Variants in KLHL13 observed in about 807,000 individuals in gnomAD.
KLHL13 encodes kelch like family member 13.
A neutral mutation model predicts 37.1 loss-of-function variants in KLHL13; 10 were observed. The ratio of observed to expected loss-of-function variants is 0.27; its 90% CI spans 0.17 to 0.46. The LOEUF (loss-of-function observed/expected upper bound fraction) is 0.46, where lower values mean the gene tolerates loss of function less well. Ranked by LOEUF, KLHL13 falls within the 20% of genes least tolerant of loss-of-function variation. KLHL13 has a pLI of 1.00. For missense variants in KLHL13, 360 were observed against 509.3 expected (o/e 0.71, Z 2.82); for synonymous variants, 163 against 181.2 (o/e 0.90, Z 0.81).
At chrX:117,999,215 A>T (rs1472224911) in intron 1 of KLHL13, among the ~76,000 whole-genome samples, 2 of 111,893 alleles carry the variant, frequency 1.8e-5, no homozygotes, top group Non-Finnish European at 3.8e-5. Context: ...AGGATTATAA[A>T]TCATGCTGCT....
intron 1 of KLHL13, among the ~76,000 whole-genome samples, chrX:118,092,233 AGAAAATTGACTCT>A (rs1196999392): frequency 1.8e-5 from 2 of 112,102 alleles, no homozygotes; most frequent in Non-Finnish European, 3.8e-5. Flanking sequence ...AAATAAAATA[AGAAAATTGACTCT>A]AAACCACATC....
upstream of KLHL13, among the ~76,000 whole-genome samples, chrX:117,977,362 AT>A (rs749721084): frequency 1.8e-4 from 20 of 111,431 alleles, no homozygotes; most frequent in Non-Finnish European, 2.3e-4. Context: ...CAATACTCTG[AT>A]TTTTTTTCTC....
intron 1 of KLHL13, among the ~76,000 whole-genome samples, chrX:118,064,997 C>T (rs2054780486): frequency 9.0e-6 from 1 of 111,478 alleles, no homozygotes; most frequent in African/African-American, 3.3e-5. Flanking sequence ...ATTTGTAATG[C>T]ATGTCTAATA....
At chrX:117,930,726 T>C (rs1286401451) in intron 2 of KLHL13, among the ~76,000 whole-genome samples, 1 of 111,497 alleles carries the variant, frequency 9.0e-6, no homozygotes, top group East Asian at 2.8e-4. Flanking sequence ...GAATAACTTA[T>C]TGTACCCCAA....
At chrX:118,020,052 G>A (rs2054183686) in intron 1 of KLHL13, among the ~76,000 whole-genome samples, 1 of 110,565 alleles carries the variant, frequency 9.0e-6, no homozygotes, top group Non-Finnish European at 1.9e-5. Context: ...AGCTTGATGG[G>A]GATGGCACTG....
intron 1 of KLHL13, among the ~76,000 whole-genome samples, chrX:118,101,407 A>G (rs1470991490): frequency 8.9e-6 from 1 of 111,756 alleles, no homozygotes; most frequent in Non-Finnish European, 1.9e-5. Flanking sequence ...CCCTGTCCTC[A>G]AGGAATTCAT....
At chrX:118,053,705 C>A (rs1428149940) in intron 1 of KLHL13, among the ~76,000 whole-genome samples, 1 of 107,012 alleles carries the variant, frequency 9.3e-6, no homozygotes, top group Non-Finnish European at 1.9e-5. Flanking sequence ...TTTCAACAGG[C>A]CTTTCACAGA....
At chrX:117,973,930 A>C, upstream of KLHL13, 1 of 117,909 alleles carries the variant, frequency 8.5e-6, no homozygotes, top group Non-Finnish European at 1.7e-5. Context: ...CCAAAGCTCA[A>C]CAGCGGGTCC....
intron 1 of KLHL13, chrX:117,985,279 A>G: frequency 8.7e-7 from 1 of 1,144,740 alleles, no homozygotes; most frequent in Non-Finnish European, 1.2e-6. Context: ...AACTCTCATC[A>G]TTTGTCATGT....
chrX:118,100,248 A>G (rs1158492312), intron 1 of KLHL13, among the ~76,000 whole-genome samples: 2 of 111,961 alleles, frequency 1.8e-5, no homozygotes, highest in African/African-American at 6.5e-5. Context: ...TAATTTATGC[A>G]GTCTCCGAAT....
At chrX:117,958,059 A>G (rs755434150) in intron 1 of KLHL13, among the ~76,000 whole-genome samples, 23 of 111,603 alleles carry the variant, frequency 2.1e-4, no homozygotes, top group African/African-American at 7.5e-4. Flanking sequence ...TCTCAGCAAC[A>G]ATGAACAGAA....
chrX:117,926,278 A>C (rs903573667), intron 2 of KLHL13, among the ~76,000 whole-genome samples: 1 of 111,619 alleles, frequency 9.0e-6, no homozygotes, highest in South Asian at 3.8e-4. Context: ...ACAGAGGTGC[A>C]GGGAGTGGGA....
chrX:118,036,158 G>A (rs1377855526), intron 1 of KLHL13, among the ~76,000 whole-genome samples: 1 of 101,071 alleles, frequency 9.9e-6, no homozygotes, highest in Non-Finnish European at 2.0e-5. Flanking sequence ...CGTGAAAATG[G>A]CCATACTGCC....
intron 1 of KLHL13, among the ~76,000 whole-genome samples, chrX:118,046,712 A>T (rs1443094094): frequency 8.9e-6 from 1 of 111,826 alleles, no homozygotes; most frequent in Non-Finnish European, 1.9e-5. Context: ...TAAAAAGCAG[A>T]AAAAGAATAT....
chrX:118,111,886 C>T (rs1019382970), intron 1 of KLHL13, among the ~76,000 whole-genome samples: 2 of 110,953 alleles, frequency 1.8e-5, no homozygotes, highest in East Asian at 2.8e-4. Flanking sequence ...AGTGAGAGAG[C>T]GAGACTCCGT....
intron 1 of KLHL13, among the ~76,000 whole-genome samples, chrX:118,071,054 A>C (rs751899940): frequency 9.0e-6 from 1 of 110,547 alleles, no homozygotes; most frequent in Non-Finnish European, 1.9e-5. Flanking sequence ...ATGATTTCCA[A>C]CTTCATCCAT....
chrX:118,074,759 A>T (rs1326607207), intron 1 of KLHL13, among the ~76,000 whole-genome samples: 1 of 111,812 alleles, frequency 8.9e-6, no homozygotes, highest in African/African-American at 3.2e-5. Context: ...TAAAAATTTG[A>T]TAAGATTTTC....
At chrX:118,019,971 T>C (rs1482527988) in intron 1 of KLHL13, among the ~76,000 whole-genome samples, 1 of 108,128 alleles carries the variant, frequency 9.2e-6, no homozygotes. Context: ...GACTTGGTGA[T>C]GTGGGCTCTT....
At chrX:118,092,588 T>A (rs1449366084) in intron 1 of KLHL13, among the ~76,000 whole-genome samples, 1 of 111,731 alleles carries the variant, frequency 9.0e-6, no homozygotes, top group East Asian at 2.8e-4. Flanking sequence ...TAAAAGAGGG[T>A]ATCTTGGAAC....
Sources: allele counts gnomAD v4.1 joint callset (sites outside exome capture counted in the v4.1 genomes callset), GRCh38; gene constraint gnomAD v4.1.1; transcripts MANE v1.5; gene names NCBI Gene and HGNC (gene_info 2026-07-23, HGNC 2026-07-21).